PACSIN1: variants seen among roughly 807,000 people sequenced by gnomAD.
The protein encoded by PACSIN1 is protein kinase C and casein kinase substrate in neurons 1.
In PACSIN1, 15 loss-of-function variants were observed where a neutral mutation model predicts 59.5. The observed-to-expected ratio is 0.25, with a 90% CI of 0.17 to 0.39. The LOEUF (loss-of-function observed/expected upper bound fraction) is 0.39, where lower values mean the gene tolerates loss of function less well. Ranked by LOEUF, PACSIN1 falls within the 10% of genes least tolerant of loss-of-function variation. PACSIN1 has a pLI of 1.00. For missense variants in PACSIN1, 420 were observed against 580.2 expected, an observed-to-expected ratio of 0.72 and a Z score of 2.84; for synonymous variants, 210 against 220.6, an observed-to-expected ratio of 0.95 and a Z score of 0.42.
intron 1 of PACSIN1, among the ~76,000 whole-genome samples, chr6:34,476,347 T>C (rs1766638399): frequency 6.6e-6 from 1 of 152,246 alleles, no homozygotes; most frequent in African/African-American, 2.4e-5. Flanking sequence ...AAGCGTGTGA[T>C]AGAGCTGGGA....
At position 34,527,551 on chromosome 6, in the gene PACSIN1, C is replaced by A. The variant is rs1003955303; in HGVS notation, c.220+63C>A. ...CGTCACGAGCCCCCTAGGTCTGGGT[C>A]CTAGGAGCCCCGGCTACTTGCATGC... On this transcript the variant is annotated intron_variant, in intron 3 of 9. Transcript: ENST00000244458. The A allele has an allele frequency of 2.8e-6, 4 of 1,435,102 alleles. No homozygotes were observed. In the East Asian group the frequency reaches 8.1e-5, roughly 29 times the overall value. The allele number at this position is 1,435,102 out of a possible 1,614,324, so 88.9% of individuals were successfully genotyped here.
chr6:34,479,168 A>C (rs549320264), intron 1 of PACSIN1, among the ~76,000 whole-genome samples: 2 of 152,140 alleles, frequency 1.3e-5, no homozygotes, highest in Non-Finnish European at 2.9e-5. Flanking sequence ...AGATTTCAAC[A>C]TGTGTTTTGG....
chr6:34,514,634 C>G lies in PACSIN1; in HGVS notation c.-63-11609C>G, dbSNP rs577449665. ...GGGCTTCCCAGTCGAGGGCGGCGGC[C>G]GAGCCTGTGTCCCCACCAGCGTCTC... On this transcript the variant is annotated intron_variant, in intron 1 of 9. Transcript: ENST00000244458. The surrounding 1 kb of genome is among the most constrained non-coding windows in gnomAD (Gnocchi z 4.4). Among the ~76,000 whole-genome samples, 3 of 151,734 alleles carry G rather than the reference C, an allele frequency of 2.0e-5. No homozygotes were observed. Among genetic ancestry groups the G allele is most frequent in the African/African-American group, 7.3e-5 (3 of 41,298 alleles).
At chr6:34,512,917 C>T (rs1184164001) in intron 1 of PACSIN1, among the ~76,000 whole-genome samples, 1 of 152,352 alleles carries the variant, frequency 6.6e-6, no homozygotes, top group South Asian at 2.1e-4. Context: ...GGACAAACTG[C>T]TCCATCTCTC....
chr6:34,475,160 C>T (rs996129102), intron 1 of PACSIN1, among the ~76,000 whole-genome samples: 1 of 152,168 alleles, frequency 6.6e-6, no homozygotes, highest in African/African-American at 2.4e-5. Flanking sequence ...GTCCCCCTTA[C>T]CTGCCCAAGC....
chr6:34,510,782 G>C (rs1001622266), intron 1 of PACSIN1, among the ~76,000 whole-genome samples: 1 of 152,176 alleles, frequency 6.6e-6, no homozygotes, highest in Non-Finnish European at 1.5e-5. Context: ...ATGCGATCAC[G>C]GCTCACTGCA....
chr6:34,485,439 G>A (rs76801650), intron 1 of PACSIN1, among the ~76,000 whole-genome samples: 1,677 of 152,146 alleles, frequency 0.011, 44 homozygotes, highest in East Asian at 0.091. Flanking sequence ...AGAGGTGGCT[G>A]GATTCTGGGT....
In PACSIN1 at chr6:34,504,270, GTA is replaced by G. The variant is rs869143444; in HGVS notation, c.-63-21953_-63-21952del. Among the ~76,000 whole-genome samples the G allele has an allele frequency of 3.2e-3, 431 of 134,308 alleles. 5 individuals carry two copies. The highest frequency in any genetic ancestry group is 4.6e-3 in the Admixed American group (61 of 13,216). The allele number at this position is 134,308 out of a possible 152,430, so 88.1% of individuals were successfully genotyped here. ...TATGTGTGTGTGTGTGTGTGTGTGT[GTA>G]TATATATATATATATATATTTTTTT... On this transcript the variant is annotated intron_variant, in intron 1 of 9. Coordinates refer to ENST00000244458, the MANE Select transcript of PACSIN1 (RefSeq NM_020804.5).
At chr6:34,470,152 TG>T (rs1766550988) in intron 1 of PACSIN1, among the ~76,000 whole-genome samples, 1 of 152,112 alleles carries the variant, frequency 6.6e-6, no homozygotes, top group East Asian at 1.9e-4. Context: ...ACCTGAAAAC[TG>T]GGAGGGCAGG....
At chr6:34,520,122 G>A (rs1486618222) in intron 1 of PACSIN1, among the ~76,000 whole-genome samples, 3 of 152,062 alleles carry the variant, frequency 2.0e-5, no homozygotes, top group Non-Finnish European at 4.4e-5. Flanking sequence ...CCCTAGCCTG[G>A]GTTGTGGGGA....
At chr6:34,477,590 C>A (rs928526144) in intron 1 of PACSIN1, among the ~76,000 whole-genome samples, 1 of 152,134 alleles carries the variant, frequency 6.6e-6, no homozygotes, top group Non-Finnish European at 1.5e-5. Context: ...ATCATATTTT[C>A]TCTTCTCCAG....
chr6:34,470,612 C>G (rs1766558595), intron 1 of PACSIN1, among the ~76,000 whole-genome samples: 1 of 22,388 alleles, frequency 4.5e-5, no homozygotes, highest in African/African-American at 1.6e-4. Context: ...CCTCCCGGGC[C>G]CAAGGGATCC....
intron 1 of PACSIN1, among the ~76,000 whole-genome samples, chr6:34,504,532 C>T (rs1240738396): frequency 6.6e-6 from 1 of 152,110 alleles, no homozygotes; most frequent in African/African-American, 2.4e-5. Flanking sequence ...CTCAAGTGAT[C>T]CACCTGCCTC....
intron 1 of PACSIN1, among the ~76,000 whole-genome samples, chr6:34,479,500 G>A (rs186823859): frequency 5.9e-5 from 9 of 151,896 alleles, no homozygotes; most frequent in South Asian, 2.1e-4. Flanking sequence ...GCAATGGCAC[G>A]ATCTTGGCCC....
intron 1 of PACSIN1, among the ~76,000 whole-genome samples, chr6:34,519,647 C>T (rs1004820415): frequency 6.6e-6 from 1 of 152,102 alleles, no homozygotes; most frequent in African/African-American, 2.4e-5. Context: ...TGCAGGTGAA[C>T]TCTGGGCCTT....
At position 34,528,647 on chromosome 6, in the gene PACSIN1, C is replaced by T. The variant is rs1767531313; in HGVS notation, c.226C>T (p.Gln76Ter). 6.2e-7 allele frequency: 1 copy of T among 1,613,268 alleles called. No homozygotes were observed. Among genetic ancestry groups the T allele is most frequent in the Non-Finnish European group, 8.5e-7 (1 of 1,179,648 alleles). Residue 76 changes from glutamine to a stop codon, truncating the protein, a stop_gained, in exon 4 of 10, where the codon CAG becomes TAG. Coordinates refer to ENST00000244458, the MANE Select transcript of PACSIN1 (RefSeq NM_020804.5). LOFTEE classifies it high-confidence loss of function. Reference sequence around the variant, plus strand: ...ACCTATTGCCATTCCCTCAGGCCCACAGTATGGCAGCCTGGAGCGGGCCTG... The same window carrying T: ...ACCTATTGCCATTCCCTCAGGCCCATAGTATGGCAGCCTGGAGCGGGCCTG... ...RWRQLIEKGPQYGSLERAWGA... is the reference protein window; with the variant it reads ...RWRQLIEKGP
In PACSIN1 at chr6:34,514,140, C is replaced by T. The variant is rs1359793748; in HGVS notation, c.-63-12103C>T. 6.6e-6 allele frequency among the ~76,000 whole-genome samples: 1 copy of T among 152,122 alleles called. No homozygotes were observed. The highest frequency in any genetic ancestry group is 1.5e-5 in the Non-Finnish European group (1 of 68,040). ...CATGTGTGCAAATATATGTAATGGG[C>T]GTTTGTATCTGTAAGTGTGTTGTTG... is the stretch of plus-strand genomic sequence containing the variant. On this transcript the variant is annotated intron_variant, in intron 1 of 9. Transcript: ENST00000244458. The surrounding 1 kb of genome is among the most constrained non-coding windows in gnomAD (Gnocchi z 4.4).
chr6:34,509,500 T>G (rs1163100086), intron 1 of PACSIN1, among the ~76,000 whole-genome samples: 1 of 152,188 alleles, frequency 6.6e-6, no homozygotes, highest in Non-Finnish European at 1.5e-5. Context: ...AATCAGGAAG[T>G]ATGGGGCCTC....
intron 1 of PACSIN1, among the ~76,000 whole-genome samples, chr6:34,495,743 G>A (rs1396958088): frequency 2.0e-5 from 3 of 152,174 alleles, no homozygotes; most frequent in East Asian, 1.9e-4. Flanking sequence ...GTGAGCCACC[G>A]TGCCCAGCCA....
Sources: gnomAD v4.1 joint callset for allele counts (sites outside exome capture counted in the v4.1 genomes callset) on GRCh38, gnomAD v4.1.1 for gene constraint, Gnocchi (gnomAD v3.1) non-coding constraint, MANE v1.5 for transcripts, NCBI Gene and HGNC (gene_info 2026-07-23, HGNC 2026-07-21) for gene names.